Variants in RHOJ observed in about 807,000 individuals in gnomAD.
The protein encoded by RHOJ is ras homolog family member J.
A neutral mutation model predicts 23.4 loss-of-function variants in RHOJ; 11 were observed. That is an observed-to-expected ratio of 0.47 (90% CI 0.30 to 0.78). RHOJ has a LOEUF of 0.78. Among genes scored for constraint, RHOJ ranks in the 30% least tolerant of loss-of-function variants. The pLI, the probability that RHOJ is intolerant of heterozygous loss-of-function variation, is 0.08. For synonymous variants in RHOJ, 102 were observed against 102.7 expected (o/e 0.99, Z 0.04); for missense variants, 254 against 273.4 (o/e 0.93, Z 0.50).
intron 1 of RHOJ, among the ~76,000 whole-genome samples, chr14:63,225,485 C>G (rs920728849): frequency 6.6e-6 from 1 of 152,062 alleles, no homozygotes; most frequent in Non-Finnish European, 1.5e-5. Flanking sequence ...TTCTGAAAAC[C>G]CATCTGATGT....
At chr14:63,233,294 G>T (rs1894731326) in intron 1 of RHOJ, among the ~76,000 whole-genome samples, 1 of 152,192 alleles carries the variant, frequency 6.6e-6, no homozygotes, top group Non-Finnish European at 1.5e-5. Flanking sequence ...GCTGAATGGG[G>T]AGTAACTGCT....
intron 1 of RHOJ, among the ~76,000 whole-genome samples, chr14:63,226,167 T>A (rs1402569094): frequency 1.3e-5 from 2 of 152,130 alleles, no homozygotes; most frequent in African/African-American, 4.8e-5. Context: ...GCAACATTTA[T>A]TAGCAGCTGA....
intron 2 of RHOJ, among the ~76,000 whole-genome samples, chr14:63,279,638 C>A (rs996344011): frequency 2.0e-5 from 3 of 152,138 alleles, no homozygotes; most frequent in Non-Finnish European, 4.4e-5. Context: ...TCTTATGTAA[C>A]CAGAAACTCT....
chr14:63,242,949 T>G (rs1390403734), intron 1 of RHOJ, among the ~76,000 whole-genome samples: 3 of 151,584 alleles, frequency 2.0e-5, no homozygotes, highest in African/African-American at 7.3e-5. Context: ...AATTTTACAG[T>G]TCAGATCAAT....
At chr14:63,260,694 T>C (rs981095317) in intron 1 of RHOJ, among the ~76,000 whole-genome samples, 1 of 152,234 alleles carries the variant, frequency 6.6e-6, no homozygotes, top group Non-Finnish European at 1.5e-5. Context: ...CCCATTATTT[T>C]TTAAAAGGTT....
chr14:63,230,974 C>T lies in RHOJ; in HGVS notation c.178+25927C>T, dbSNP rs186273185. Among the ~76,000 whole-genome samples, 1,113 of 150,206 alleles carry T rather than the reference C, an allele frequency of 7.4e-3. 9 individuals are homozygous for T. The highest frequency in any genetic ancestry group is 0.065 in the Middle Eastern group (19 of 294). ...TGTGATCTCGGCTCACTGCAACCTC[C>T]GCCTCCTGGGTTCAAGCAATTCTCC... On this transcript the variant is annotated intron_variant, in intron 1 of 4. Coordinates refer to ENST00000316754, the MANE Select transcript of RHOJ (RefSeq NM_020663.5).
intron 1 of RHOJ, among the ~76,000 whole-genome samples, chr14:63,261,576 T>C (rs1210307699): frequency 2.0e-5 from 3 of 151,272 alleles, no homozygotes; most frequent in African/African-American, 7.3e-5. Context: ...GGCTACTTGA[T>C]ACACACCACC....
At chr14:63,277,966 A>C (rs865776847) in intron 2 of RHOJ, among the ~76,000 whole-genome samples, 2 of 141,404 alleles carry the variant, frequency 1.4e-5, no homozygotes, top group Non-Finnish European at 3.1e-5. Context: ...CAGCTACACA[A>C]ACACACACAC....
intron 2 of RHOJ, among the ~76,000 whole-genome samples, chr14:63,271,622 T>A (rs573906234): frequency 6.6e-4 from 100 of 152,324 alleles, no homozygotes; most frequent in African/African-American, 2.2e-3. Context: ...GAGACAGGGT[T>A]TCACTCCCAT....
At chr14:63,255,796 A>G (rs1052978918) in intron 1 of RHOJ, among the ~76,000 whole-genome samples, 1 of 152,064 alleles carries the variant, frequency 6.6e-6, no homozygotes, top group Non-Finnish European at 1.5e-5. Flanking sequence ...CAACTCTACC[A>G]TGAACAGAAG....
intron 2 of RHOJ, among the ~76,000 whole-genome samples, chr14:63,270,203 T>A (rs1895443785): frequency 6.7e-6 from 1 of 149,822 alleles, no homozygotes; most frequent in Non-Finnish European, 1.5e-5. Flanking sequence ...TGTTTGGATA[T>A]ACATCGTTTT....
chr14:63,243,555 G>T (rs1212543561), intron 1 of RHOJ, among the ~76,000 whole-genome samples: 1 of 152,070 alleles, frequency 6.6e-6, no homozygotes, highest in Non-Finnish European at 1.5e-5. Context: ...GGCCAGGATG[G>T]TCTCAAACTC....
At chr14:63,244,359 G>T (rs1894938066) in intron 1 of RHOJ, among the ~76,000 whole-genome samples, 1 of 151,108 alleles carries the variant, frequency 6.6e-6, no homozygotes, top group African/African-American at 2.4e-5. Context: ...CTGAGGTCAA[G>T]AGTTCGAGAC....
chr14:63,290,329 T>G (rs937167357), intron 4 of RHOJ, among the ~76,000 whole-genome samples: 2 of 152,218 alleles, frequency 1.3e-5, no homozygotes, highest in African/African-American at 4.8e-5. Context: ...GAGGTACATT[T>G]TAATCAAGAA....
At chr14:63,269,852 T>G (rs1895434678) in intron 2 of RHOJ, among the ~76,000 whole-genome samples, 1 of 152,218 alleles carries the variant, frequency 6.6e-6, no homozygotes, top group Admixed American at 6.5e-5. Context: ...ATGCTCTTTT[T>G]GGGTGAAAAT....
chr14:63,209,922 G>C (rs1403452543), intron 1 of RHOJ, among the ~76,000 whole-genome samples: 1 of 147,980 alleles, frequency 6.8e-6, no homozygotes, highest in Non-Finnish European at 1.5e-5. Flanking sequence ...CACTGTAACT[G>C]TAATATAGCA....
chr14:63,240,989 G>A (rs776665005), intron 1 of RHOJ, among the ~76,000 whole-genome samples: 1 of 152,148 alleles, frequency 6.6e-6, no homozygotes, highest in African/African-American at 2.4e-5. Flanking sequence ...AGTCCTCTCC[G>A]AATATTTCCC....
intron 1 of RHOJ, among the ~76,000 whole-genome samples, chr14:63,207,035 C>CT (rs200555463): frequency 0.034 from 4,778 of 141,032 alleles, 87 homozygotes; most frequent in East Asian, 0.083. Flanking sequence ...CTTTTCTTTT[C>CT]TTTTTTTTTT....
intron 4 of RHOJ, chr14:63,288,316 A>G (rs560874785): frequency 4.2e-5 from 41 of 985,432 alleles, no homozygotes; most frequent in Admixed American, 6.1e-5. Flanking sequence ...GCAGGACTCC[A>G]GGTGTGAGTG....
Sources: gnomAD v4.1 joint callset for allele counts (sites outside exome capture counted in the v4.1 genomes callset) on GRCh38, gnomAD v4.1.1 for gene constraint, MANE v1.5 for transcripts, NCBI Gene and HGNC (gene_info 2026-07-23, HGNC 2026-07-21) for gene names.